DOCK4: variants seen among roughly 807,000 people sequenced by gnomAD.
DOCK4 encodes dedicator of cytokinesis protein 4.
Under a neutral mutation model 268.1 loss-of-function variants are expected in DOCK4, and 97 were observed. That is an observed-to-expected ratio of 0.36 (90% CI 0.31 to 0.43). The LOEUF (loss-of-function observed/expected upper bound fraction) is 0.43, where lower values mean the gene tolerates loss of function less well. DOCK4 is among the 20% of genes least tolerant of loss of function. The pLI, the probability that DOCK4 is intolerant of heterozygous loss-of-function variation, is 1.00. For synonymous variants in DOCK4, 954 were observed against 887.2 expected, an observed-to-expected ratio of 1.08 and a Z score of -1.34; for missense variants, 2,145 against 2,455.7, an observed-to-expected ratio of 0.87 and a Z score of 2.67.
intron 1 of DOCK4, among the ~76,000 whole-genome samples, chr7:112,205,659 G>C (rs1325588283): frequency 1.3e-5 from 2 of 152,104 alleles, no homozygotes; most frequent in Non-Finnish European, 2.9e-5. Context: ...TGTTCTCTCT[G>C]CCCGAGTGTT....
At position 111,900,433 on chromosome 7, in the gene DOCK4, G is replaced by A. The variant is rs763977969; in HGVS notation, c.1421C>T (p.Pro474Leu). ...ACCCCGGAATTTATCCACAGGAATG[G>A]GAAGTTTCAGCAGTTCAGACCACCT... ...SPRWSELLKL[P>L]IPVDKFRGAH... Residue 474 changes from proline (P) to leucine (L), a missense_variant, in exon 15 of 53, where the codon CCC becomes CTC. Coordinates refer to ENST00000428084, the MANE Select transcript of DOCK4 (RefSeq NM_001363540.2). 2 of 1,613,516 alleles carry A rather than the reference G, an allele frequency of 1.2e-6. No homozygotes were observed. The highest frequency in any genetic ancestry group is 1.7e-5 in the Admixed American group (1 of 59,990).
At chr7:112,175,474 T>G (rs979867206) in intron 1 of DOCK4, among the ~76,000 whole-genome samples, 1 of 152,210 alleles carries the variant, frequency 6.6e-6, no homozygotes, top group Admixed American at 6.5e-5. Flanking sequence ...TTGAAAGTTG[T>G]ATTAATCATC....
At chr7:112,168,771 G>A (rs1204993769) in intron 1 of DOCK4, among the ~76,000 whole-genome samples, 1 of 152,140 alleles carries the variant, frequency 6.6e-6, no homozygotes, top group Non-Finnish European at 1.5e-5. Context: ...GACCATGGCT[G>A]ATGAAGAGAA....
chr7:111,812,358 C>A (rs556198982), intron 27 of DOCK4, among the ~76,000 whole-genome samples: 175 of 152,312 alleles, frequency 1.1e-3, no homozygotes, highest in African/African-American at 4.0e-3. Flanking sequence ...TAGCTCACTG[C>A]AGCCTCAAAC....
intron 1 of DOCK4, among the ~76,000 whole-genome samples, chr7:112,164,474 T>C (rs1330961107): frequency 6.6e-6 from 1 of 152,208 alleles, no homozygotes; most frequent in African/African-American, 2.4e-5. Context: ...ATAATACTCA[T>C]AGCTGTTATT....
intron 1 of DOCK4, among the ~76,000 whole-genome samples, chr7:112,161,204 A>AT (rs1817090128): frequency 6.6e-6 from 1 of 152,206 alleles, no homozygotes. Flanking sequence ...TACTACCTAT[A>AT]TAAGTCCAAT....
intron 1 of DOCK4, among the ~76,000 whole-genome samples, chr7:112,021,721 A>G (rs1012590382): frequency 6.6e-6 from 1 of 152,124 alleles, no homozygotes; most frequent in Non-Finnish European, 1.5e-5. Flanking sequence ...TTGCAAGGGG[A>G]GTTCTAGTCT....
At position 112,018,179 on chromosome 7, in the gene DOCK4, A is replaced by AAAAAAAAAAAAAAAAAACACAC; in HGVS notation, c.38-14049_38-14048insGTGTGTTTTTTTTTTTTTTTTT. 6.9e-5 allele frequency among the ~76,000 whole-genome samples: 5 copies of AAAAAAAAAAAAAAAAAACACAC among 72,630 alleles called. 1 individual carries two copies. Among genetic ancestry groups the AAAAAAAAAAAAAAAAAACACAC allele is most frequent in the African/African-American group, 1.1e-4 (2 of 18,512 alleles). The allele number at this position is 72,630 out of a possible 152,430, so 47.6% of individuals were successfully genotyped here. On this transcript the variant is annotated intron_variant, in intron 1 of 52. Transcript: ENST00000428084. ...AAAAAAAAAAAAAAAAAAAAAAAAA[A>AAAAAAAAAAAAAAAAAACACAC]ACACAGGCAACCAGTATTCATGTGG... is the stretch of plus-strand genomic sequence containing the variant.
At chr7:111,879,281 G>T (rs1172184047) in intron 16 of DOCK4, among the ~76,000 whole-genome samples, 1 of 151,998 alleles carries the variant, frequency 6.6e-6, no homozygotes, top group East Asian at 1.9e-4. Flanking sequence ...TTCATCCCTT[G>T]CTAACTAAAG....
At position 111,739,213 on chromosome 7, in the gene DOCK4, T is replaced by A; in HGVS notation, c.5153A>T (p.His1718Leu). The change falls in exon 49 of 53, where the codon CAT becomes CTT. Residue 1718 changes from histidine to leucine, a missense_variant. This residue lies in a region of DOCK4 where 547 missense variants were observed against 469.0 expected (regional missense o/e 1.17). Coordinates refer to ENST00000428084, the MANE Select transcript of DOCK4 (RefSeq NM_001363540.2). ...TGACAGGCAAGAGTTTTCTCGGGAATGTTTGTGTTTGTCAGACAACAAAGG... is the reference window on the plus strand; with the variant it reads ...TGACAGGCAAGAGTTTTCTCGGGAAAGTTTGTGTTTGTCAGACAACAAAGG... Reference protein sequence around the residue: ...ASPLLSDKHKHSRENSCLSPR... With the variant: ...ASPLLSDKHKLSRENSCLSPR... The A allele has an allele frequency of 1.2e-6, 2 of 1,613,992 alleles. No homozygotes were observed. The highest frequency in any genetic ancestry group is 1.7e-6 in the Non-Finnish European group (2 of 1,179,870).
intron 50 of DOCK4, 151 bp downstream of exon 50, chr7:111,736,766 C>T (rs1237501343): frequency 2.7e-6 from 2 of 732,434 alleles, no homozygotes; most frequent in African/African-American, 1.8e-5. Flanking sequence ...TCATGAATAA[C>T]TGTCTTTCAT....
chr7:111,962,696 T>A (rs1797021952), intron 8 of DOCK4, among the ~76,000 whole-genome samples: 1 of 152,140 alleles, frequency 6.6e-6, no homozygotes, highest in Non-Finnish European at 1.5e-5. Context: ...TCTTAAATGA[T>A]AGAATGGAAT....
chr7:111,731,680 C>T (rs1795094178), intron 52 of DOCK4, among the ~76,000 whole-genome samples: 1 of 152,110 alleles, frequency 6.6e-6, no homozygotes, highest in Non-Finnish European at 1.5e-5. Flanking sequence ...TCTTTTAAAT[C>T]CATATTACTG....
chr7:112,169,251 C>G (rs1817869573), intron 1 of DOCK4, among the ~76,000 whole-genome samples: 1 of 152,186 alleles, frequency 6.6e-6, no homozygotes, highest in Admixed American at 6.5e-5. Context: ...TCTAGTACAG[C>G]CTGTGGAATT....
At chr7:112,164,821 T>C (rs1422356925) in intron 1 of DOCK4, among the ~76,000 whole-genome samples, 6 of 152,200 alleles carry the variant, frequency 3.9e-5, no homozygotes, top group Admixed American at 2.6e-4. Context: ...AAATACCTAG[T>C]AAGTGGCAAA....
intron 30 of DOCK4, among the ~76,000 whole-genome samples, chr7:111,802,860 A>T (rs1800404712): frequency 6.6e-6 from 1 of 151,928 alleles, no homozygotes; most frequent in African/African-American, 2.4e-5. Context: ...TTTACCTAAT[A>T]CCCCAACTAT....
rs1700022558 is a variant in DOCK4 at position 111,769,667 on chromosome 7, A to AT, written c.3689dup (p.Tyr1230Ter). The AT allele has an allele frequency of 6.2e-7, 1 of 1,613,360 alleles. No homozygotes were observed. Among genetic ancestry groups the AT allele is most frequent in the Non-Finnish European group, 8.5e-7 (1 of 1,179,642 alleles). Residue 1230 changes from tyrosine (Y) to a stop codon, truncating the protein, a stop_gained and frameshift_variant, in exon 37 of 53, where the codon TAT becomes TAAT. Transcript: ENST00000428084. LOFTEE classifies it high-confidence loss of function. ...LKAQNFTEAA[Y>*]TLLLYDELLE... ...GTAGCTCGTCATATAAGAGGAGGGT[A>AT]TATGCAGCTTCTGCAAGTCACGTGA...
At chr7:111,794,555 G>T (rs1402820893) in intron 30 of DOCK4, among the ~76,000 whole-genome samples, 1 of 152,210 alleles carries the variant, frequency 6.6e-6, no homozygotes, top group East Asian at 1.9e-4. Flanking sequence ...GGAAATGATA[G>T]AGAAGAGAAG....
At chr7:112,055,875 G>T (rs1281628840) in intron 1 of DOCK4, among the ~76,000 whole-genome samples, 3 of 151,108 alleles carry the variant, frequency 2.0e-5, no homozygotes, top group Non-Finnish European at 4.4e-5. Context: ...GCCACTGCAC[G>T]TCTCCAGCCT....
Sources: allele counts gnomAD v4.1 joint callset (sites outside exome capture counted in the v4.1 genomes callset), GRCh38; gene constraint gnomAD v4.1.1; regional missense constraint gnomAD v4.1.1; transcripts MANE v1.5; gene names NCBI Gene and HGNC (gene_info 2026-07-23, HGNC 2026-07-21).